The following DOK6 variants were observed in gnomAD, a reference collection of about 807,000 sequenced individuals.
The protein encoded by DOK6 is downstream of tyrosine kinase 6.
Under a neutral mutation model 44.0 loss-of-function variants are expected in DOK6, and 22 were observed. The observed-to-expected ratio is 0.50, with a 90% CI of 0.36 to 0.71. The LOEUF is 0.71. DOK6 is among the 30% of genes least tolerant of loss of function. The probability of loss-of-function intolerance (pLI) is 0.00; values close to 1 mark genes in which losing one functional copy is unlikely to be tolerated. For synonymous variants in DOK6, 166 were observed against 145.5 expected, an observed-to-expected ratio of 1.14 and a Z score of -1.01; for missense variants, 340 against 416.4, an observed-to-expected ratio of 0.82 and a Z score of 1.60.
chr18:69,598,091 G>A (rs184615626), intron 2 of DOK6, among the ~76,000 whole-genome samples: 211 of 151,758 alleles, frequency 1.4e-3, no homozygotes, highest in Non-Finnish European at 2.4e-3. Context: ...TTCTTATTGG[G>A]GATCTTAGTC....
At chr18:69,464,799 T>C (rs1979880979) in intron 1 of DOK6, among the ~76,000 whole-genome samples, 1 of 152,232 alleles carries the variant, frequency 6.6e-6, no homozygotes, top group Non-Finnish European at 1.5e-5. Context: ...ATCAGGACAC[T>C]TCAAATTAGT....
chr18:69,760,442 T>A (rs898787786), intron 7 of DOK6, among the ~76,000 whole-genome samples: 3 of 151,956 alleles, frequency 2.0e-5, no homozygotes, highest in Non-Finnish European at 4.4e-5. Flanking sequence ...ATTAAAAAGC[T>A]TTAGAACAGC....
chr18:69,781,734 T>C (rs1219647123), intron 7 of DOK6, among the ~76,000 whole-genome samples: 1 of 152,218 alleles, frequency 6.6e-6, no homozygotes, highest in Non-Finnish European at 1.5e-5. Context: ...TACCATTTTA[T>C]GCAAATGACA....
intron 3 of DOK6, among the ~76,000 whole-genome samples, chr18:69,642,521 T>C (rs1267280990): frequency 2.6e-5 from 4 of 152,168 alleles, no homozygotes; most frequent in African/African-American, 9.7e-5. Flanking sequence ...TAAACACTTA[T>C]TGCATTTGGT....
At chr18:69,680,784 A>C (rs139939355) in intron 4 of DOK6, among the ~76,000 whole-genome samples, 1 of 152,242 alleles carries the variant, frequency 6.6e-6, no homozygotes, top group Non-Finnish European at 1.5e-5. Context: ...TCATCCGTCA[A>C]CTTGGACCCT....
At chr18:69,823,729 T>C (rs1172596384) in intron 7 of DOK6, among the ~76,000 whole-genome samples, 1 of 151,996 alleles carries the variant, frequency 6.6e-6, no homozygotes, top group Non-Finnish European at 1.5e-5. Context: ...ATCTTCCTGG[T>C]GCCTTCCTTC....
intron 7 of DOK6, among the ~76,000 whole-genome samples, chr18:69,783,877 G>A (rs1373482401): frequency 6.6e-6 from 1 of 152,074 alleles, no homozygotes; most frequent in Non-Finnish European, 1.5e-5. Context: ...AATACTAAAT[G>A]TTCCGCAAGT....
chr18:69,718,407 T>A (rs1986931365), intron 5 of DOK6, among the ~76,000 whole-genome samples: 1 of 152,150 alleles, frequency 6.6e-6, no homozygotes, highest in Non-Finnish European at 1.5e-5. Flanking sequence ...ACAGTTTCCA[T>A]GCAACAAGAA....
rs368806858 is a variant in DOK6 at position 69,692,917 on chromosome 18, T to C, written c.410-5487T>C. 3.3e-4 allele frequency among the ~76,000 whole-genome samples: 50 copies of C among 152,334 alleles called. 2 individuals carry two copies. In the East Asian group the frequency reaches 4.0e-3, roughly 12 times the overall value. On this transcript the variant is annotated intron_variant, in intron 4 of 7. Coordinates refer to ENST00000382713, the MANE Select transcript of DOK6 (RefSeq NM_152721.6). ...ATGCCTAGATATTTTAATTAATAAA[T>C]TTTAACAAATATTTAAGCCTCATGA...
At chr18:69,675,218 C>T (rs951811356) in intron 3 of DOK6, among the ~76,000 whole-genome samples, 2 of 152,062 alleles carry the variant, frequency 1.3e-5, no homozygotes, top group African/African-American at 4.8e-5. Flanking sequence ...TCATAGAAGC[C>T]TTTTACTGTA....
At chr18:69,481,058 G>A (rs1288946894) in intron 1 of DOK6, among the ~76,000 whole-genome samples, 1 of 152,056 alleles carries the variant, frequency 6.6e-6, no homozygotes, top group Non-Finnish European at 1.5e-5. Flanking sequence ...CTTTGGTAGA[G>A]GATTGGGAGA....
intron 5 of DOK6, among the ~76,000 whole-genome samples, chr18:69,728,253 C>T (rs961435046): frequency 6.6e-6 from 1 of 152,150 alleles, no homozygotes; most frequent in Admixed American, 6.5e-5. Flanking sequence ...ATTTCACATT[C>T]CTGCATTCTC....
rs576263432 is a variant in DOK6 at position 69,541,289 on chromosome 18, TA to T, written c.67-23197del. Among the ~76,000 whole-genome samples, 536 of 151,558 alleles carry T rather than the reference TA, an allele frequency of 3.5e-3. 20 individuals are homozygous for T. The highest frequency in any genetic ancestry group is 6.7e-3 in the Non-Finnish European group (454 of 67,688). On this transcript the variant is annotated intron_variant, in intron 1 of 7. Coordinates refer to ENST00000382713, the MANE Select transcript of DOK6 (RefSeq NM_152721.6). ...CTCATGCTCTGGAATAATTCCTAAG[TA>T]GAAATATGTACTTGCTTGTGATGGG... is the stretch of plus-strand genomic sequence containing the variant.
At chr18:69,708,341 G>A (rs1040307615) in intron 5 of DOK6, among the ~76,000 whole-genome samples, 10 of 152,122 alleles carry the variant, frequency 6.6e-5, no homozygotes, top group African/African-American at 1.9e-4. Flanking sequence ...AGACCGCTCC[G>A]ACTCCGCTTC....
At chr18:69,576,990 G>T (rs536865428) in intron 2 of DOK6, among the ~76,000 whole-genome samples, 25 of 152,250 alleles carry the variant, frequency 1.6e-4, no homozygotes, top group African/African-American at 5.8e-4. Context: ...CATGAAAACT[G>T]CATGATGCCA....
At chr18:69,764,689 G>A (rs1292471330) in intron 7 of DOK6, among the ~76,000 whole-genome samples, 2 of 152,148 alleles carry the variant, frequency 1.3e-5, no homozygotes, top group African/African-American at 2.4e-5. Flanking sequence ...TTTCATAATA[G>A]CAGCTTGAGA....
chr18:69,499,202 T>C (rs1980981179), intron 1 of DOK6, among the ~76,000 whole-genome samples: 1 of 152,058 alleles, frequency 6.6e-6, no homozygotes, highest in South Asian at 2.1e-4. Flanking sequence ...TAAGGGTATA[T>C]ATATACATAT....
intron 7 of DOK6, chr18:69,781,160 G>A (rs1980253266): frequency 6.6e-6 from 1 of 152,066 alleles, no homozygotes; most frequent in African/African-American, 2.4e-5. Context: ...ACTGTCAGAA[G>A]ACAGTTTTTT....
At chr18:69,489,999 T>C (rs1009956289) in intron 1 of DOK6, among the ~76,000 whole-genome samples, 1 of 152,108 alleles carries the variant, frequency 6.6e-6, no homozygotes, top group African/African-American at 2.4e-5. Flanking sequence ...ACTGCAACAT[T>C]GTAGGCTGCC....
Sources: allele counts gnomAD v4.1 joint callset (sites outside exome capture counted in the v4.1 genomes callset), GRCh38; gene constraint gnomAD v4.1.1; transcripts MANE v1.5; gene names NCBI Gene and HGNC (gene_info 2026-07-23, HGNC 2026-07-21).